The following USP43 variants were observed in gnomAD, a reference collection of about 807,000 sequenced individuals.
USP43 encodes ubiquitin specific peptidase 43.
Under a neutral mutation model 90.7 loss-of-function variants are expected in USP43, and 33 were observed. The ratio of observed to expected loss-of-function variants is 0.36; its 90% CI spans 0.28 to 0.49. USP43 has a LOEUF of 0.49. USP43 is among the 20% of genes least tolerant of loss of function. USP43 has a pLI of 0.98. For missense variants in USP43, 1,274 were observed against 1,476.4 expected (o/e 0.86, Z 2.25); for synonymous variants, 598 against 615.8 (o/e 0.97, Z 0.43).
In USP43 at chr17:9,700,105, T is replaced by C. The variant is rs1025664116; in HGVS notation, c.1458-67T>C. ...GTCCTTGGGTTGTGGGGGAGACTGC[T>C]GAGCCCTGAAGAGCTGTGGGAAGGA... On this transcript the variant is annotated intron_variant, in intron 9 of 14. Coordinates refer to ENST00000285199, the MANE Select transcript of USP43 (RefSeq NM_153210.5). 13 of 1,436,966 alleles carry C rather than the reference T, an allele frequency of 9.0e-6. No individual in the cohort carries two copies. In the African/African-American group the frequency reaches 1.7e-4, roughly 19 times the overall value. The allele number at this position is 1,436,966 out of a possible 1,614,324, so 89.0% of individuals were successfully genotyped here.
intron 9 of USP43, 76 bp from the exon 10 acceptor site, chr17:9,700,096 G>T: frequency 7.4e-7 from 1 of 1,359,082 alleles, no homozygotes; most frequent in East Asian, 2.5e-5. Context: ...GGGTTGTGGG[G>T]GAGACTGCTG....
intron 14 of USP43, among the ~76,000 whole-genome samples, chr17:9,717,360 A>AGTGTGTGTGTGTGTGT (rs56058514): frequency 8.9e-5 from 13 of 145,664 alleles, no homozygotes; most frequent in African/African-American, 3.3e-4. Flanking sequence ...GCTTGGGCAC[A>AGTGTGTGTGTGTGTGT]GTGTGTGTGT....
At position 9,724,372 on chromosome 17, in the gene USP43, T is replaced by C. The variant is rs569639964; in HGVS notation, c.2336-3582T>C. ...TGGTCATCAGGCTGTGAAGTAATTG[T>C]ACTCGGCTCAAGAAACATCATATGG... On this transcript the variant is annotated intron_variant, in intron 14 of 14. Transcript: ENST00000285199. 6.8e-4 allele frequency among the ~76,000 whole-genome samples: 103 copies of C among 152,250 alleles called. 1 individual carries two copies. Among genetic ancestry groups the C allele is most frequent in the Non-Finnish European group, 1.2e-3 (80 of 68,012 alleles).
intron 2 of USP43, among the ~76,000 whole-genome samples, chr17:9,662,643 C>T (rs754004111): frequency 1.3e-5 from 2 of 152,124 alleles, no homozygotes; most frequent in Non-Finnish European, 2.9e-5. Context: ...TCCTAACCTC[C>T]AAACTTATGC....
Position 9,723,502 on chromosome 17 carries a change from TTTCCCTTCCC to T in USP43, c.2336-4447_2336-4438del, listed in dbSNP as rs199960957. On this transcript the variant is annotated intron_variant, in intron 14 of 14. Transcript: ENST00000285199. ...CCCTTGTAGTTTCTTGCTCTTCTCT[TTTCCCTTCCC>T]TTCCTTTCCCTTCCCCTCCCCTCCC... Among the ~76,000 whole-genome samples, 11 of 145,134 alleles carry T rather than the reference TTTCCCTTCCC, an allele frequency of 7.6e-5. No homozygotes were observed. In the East Asian group the frequency reaches 1.6e-3, roughly 22 times the overall value.
intron 14 of USP43, among the ~76,000 whole-genome samples, chr17:9,721,579 A>T (rs1345677810): frequency 1.3e-5 from 2 of 152,112 alleles, no homozygotes; most frequent in African/African-American, 4.8e-5. Flanking sequence ...TATATTGTCT[A>T]TTTGAGGGAT....
chr17:9,724,171 C>T (rs978645295), intron 14 of USP43, among the ~76,000 whole-genome samples: 1 of 152,136 alleles, frequency 6.6e-6, no homozygotes, highest in African/African-American at 2.4e-5. Context: ...CTTTGGCTCC[C>T]AGGGGCTGGT....
chr17:9,696,317 A>G (rs1293920453), intron 9 of USP43, among the ~76,000 whole-genome samples: 2 of 151,972 alleles, frequency 1.3e-5, no homozygotes, highest in African/African-American at 4.8e-5. Context: ...GTATTTTAGT[A>G]TAAACGGGGT....
chr17:9,672,557 C>T (rs999191615), intron 3 of USP43, among the ~76,000 whole-genome samples: 1 of 152,006 alleles, frequency 6.6e-6, no homozygotes, highest in Non-Finnish European at 1.5e-5. Context: ...TCCCAATGAC[C>T]CAAGTATATC....
chr17:9,674,590 T>C lies in USP43; in HGVS notation c.741-301T>C, dbSNP rs1913644957. On this transcript the variant is annotated intron_variant, in intron 3 of 14. Transcript: ENST00000285199. The surrounding 1 kb of genome is among the most constrained non-coding windows in gnomAD (Gnocchi z 4.4). Reference sequence around the variant, plus strand: ...TTCAAGGTTCATCCACGTTGTAGTATGGACCAGGGGTTCATTCCTTTCTAT... The same window carrying C: ...TTCAAGGTTCATCCACGTTGTAGTACGGACCAGGGGTTCATTCCTTTCTAT... Among the ~76,000 whole-genome samples the C allele has an allele frequency of 6.6e-6, 1 of 152,238 alleles. No homozygotes were observed. Among genetic ancestry groups the C allele is most frequent in the Admixed American group, 6.5e-5 (1 of 15,282 alleles).
At chr17:9,687,001 G>A (rs1567664342) in intron 8 of USP43, 92 bp downstream of exon 8, 1 of 1,171,318 alleles carries the variant, frequency 8.5e-7, no homozygotes, top group Non-Finnish European at 1.2e-6. Flanking sequence ...GTGGAATTTA[G>A]TGTAGCCCAG....
intron 2 of USP43, among the ~76,000 whole-genome samples, chr17:9,663,929 T>C (rs943916186): frequency 6.6e-6 from 1 of 152,166 alleles, no homozygotes; most frequent in Non-Finnish European, 1.5e-5. Flanking sequence ...CCAGCCTGGT[T>C]TGGACATTCT....
At chr17:9,661,974 A>C (rs539901621) in intron 2 of USP43, among the ~76,000 whole-genome samples, 2 of 152,160 alleles carry the variant, frequency 1.3e-5, no homozygotes, top group African/African-American at 4.8e-5. Flanking sequence ...GCTCAATGAC[A>C]GGGAAAGCTG....
intron 6 of USP43, among the ~76,000 whole-genome samples, chr17:9,681,476 ATATATATATATATATAT>A (rs1308622662): frequency 4.8e-5 from 1 of 20,730 alleles, no homozygotes; most frequent in East Asian, 4.5e-3. Flanking sequence ...ATATATATAT[ATATATATATATATATAT>A]ATATATATAT....
chr17:9,715,710 T>C lies in USP43; in HGVS notation c.2335+3578T>C, dbSNP rs560573307. On this transcript the variant is annotated intron_variant, in intron 14 of 14. Transcript: ENST00000285199. ...GTATGTGTGTGTGTCTGTGTGTGTC[T>C]CTGTGTGTGTATGTGTGTGTGTGTG... Among the ~76,000 whole-genome samples the C allele has an allele frequency of 2.4e-4, 32 of 136,088 alleles. No homozygotes were observed. The South Asian group carries it at 7.2e-3, about 31-fold the overall frequency. 89.3% of individuals were successfully genotyped at this position (136,088 alleles called of 152,430 possible).
intron 6 of USP43, 40 bp from the exon 7 acceptor site, chr17:9,682,783 C>G (rs777338106): frequency 6.2e-7 from 1 of 1,605,414 alleles, no homozygotes. Flanking sequence ...GAAAGCAGCT[C>G]CTTTAGGAAT....
intron 3 of USP43, among the ~76,000 whole-genome samples, chr17:9,671,166 G>A (rs1913398133): frequency 6.6e-6 from 1 of 152,202 alleles, no homozygotes; most frequent in Non-Finnish European, 1.5e-5. Context: ...GAAGATCCTG[G>A]ACTATAGCAA....
intron 2 of USP43, among the ~76,000 whole-genome samples, chr17:9,663,037 C>T (rs184644268): frequency 5.3e-5 from 8 of 151,642 alleles, no homozygotes; most frequent in African/African-American, 9.7e-5. Flanking sequence ...AGGCTGGTCT[C>T]GAACTCCTGA....
rs142787773 is a variant in USP43 at position 9,699,774 on chromosome 17, A to C, written c.1458-398A>C. Among the ~76,000 whole-genome samples the C allele has an allele frequency of 2.6e-5, 4 of 152,266 alleles. No homozygotes were observed. In the South Asian group the frequency reaches 6.2e-4, roughly 24 times the overall value. ...GGGGGCTTAAAGGTGCTCCTTCTGC[A>C]TTGCAGTTGGGGGAAAGGTAGCAGC... On this transcript the variant is annotated intron_variant, in intron 9 of 14. Coordinates refer to ENST00000285199, the MANE Select transcript of USP43 (RefSeq NM_153210.5).
Sources: gnomAD v4.1 joint callset for allele counts (sites outside exome capture counted in the v4.1 genomes callset) on GRCh38, gnomAD v4.1.1 for gene constraint, Gnocchi (gnomAD v3.1) non-coding constraint, MANE v1.5 for transcripts, NCBI Gene and HGNC (gene_info 2026-07-23, HGNC 2026-07-21) for gene names.